The following TMEM200C variants were observed in gnomAD, a reference collection of about 807,000 sequenced individuals.
TMEM200C encodes transmembrane protein TTMA.
For synonymous variants in TMEM200C, 462 were observed against 324.7 expected, an observed-to-expected ratio of 1.42 and a Z score of -4.55; for missense variants, 966 against 699.9, an observed-to-expected ratio of 1.38 and a Z score of -4.29.
exon 3 of TMEM200C, chr18:5,890,260 T>TGAG: frequency 6.3e-7 from 1 of 1,589,308 alleles, no homozygotes. Flanking sequence ...GAAATCATGA[T>TGAG]GAGTTTCTCC....
chr18:5,891,352 C>T lies in TMEM200C; in HGVS notation c.712G>A (p.Ala238Thr). 1.5e-6 allele frequency: 2 copies of T among 1,325,574 alleles called. No individual in the cohort carries two copies. The highest frequency in any genetic ancestry group is 1.9e-6 in the Non-Finnish European group (2 of 1,040,980). 82.1% of individuals were successfully genotyped at this position (1,325,574 alleles called of 1,614,324 possible). ...GGTATGGCCCCGGGGGGCGCCGCGG[C>T]GGGGGCAGACGACGACGAAGAGGCG... The change falls in exon 3 of 3, where the codon GCC becomes ACC. Residue 238 changes from alanine to threonine, a missense_variant. Transcript: ENST00000581347. This position sits in a 1 kb window ranked among gnomAD's most constrained non-coding sequence, Gnocchi z 4.7.
At chr18:5,886,486 C>T (rs990330718) in exon 3 of TMEM200C, 5 of 152,074 alleles carry the variant, frequency 3.3e-5, no homozygotes, top group African/African-American at 1.2e-4. Context: ...AGCATAAGCC[C>T]TCATGTTTTA....
chr18:5,890,074 C>T, exon 3 of TMEM200C: 1 of 881,104 alleles, frequency 1.1e-6, no homozygotes, highest in Non-Finnish European at 1.6e-6. Context: ...CATTCTGCAG[C>T]TCTTTGGATA....
At chr18:5,896,119 C>A (rs931909105), upstream of TMEM200C, among the ~76,000 whole-genome samples, 2 of 152,092 alleles carry the variant, frequency 1.3e-5, no homozygotes, top group Non-Finnish European at 2.9e-5. Context: ...CGGGCCCGGG[C>A]GGAGTGGAGC....
chr18:5,891,664 T>C lies in TMEM200C; in HGVS notation c.400A>G (p.Thr134Ala), dbSNP rs2095171296. ...GGGGAGGCGGCTCGTGCTGGAGGCG[T>C]GCTCCTGGGCGCGCCCGCGGAACTG... is the stretch of plus-strand genomic sequence containing the variant. The change falls in exon 3 of 3, where the codon ACG becomes GCG. Residue 134 changes from threonine to alanine, a missense_variant. Coordinates refer to ENST00000581347, the Ensembl canonical transcript of TMEM200C. This position sits in a 1 kb window ranked among gnomAD's most constrained non-coding sequence, Gnocchi z 4.7. 1.2e-6 allele frequency: 2 copies of C among 1,613,526 alleles called. No homozygotes were observed. Among genetic ancestry groups the C allele is most frequent in the Non-Finnish European group, 1.7e-6 (2 of 1,179,822 alleles).
At chr18:5,895,140 C>T (rs1489850712) in exon 2 of TMEM200C, 1 of 152,138 alleles carries the variant, frequency 6.6e-6, no homozygotes, top group Non-Finnish European at 1.5e-5. Context: ...GGGACAGCGC[C>T]CCGGGGCCCC....
rs750394153 is a variant in TMEM200C at position 5,891,640 on chromosome 18, G to A, written c.424C>T (p.Pro142Ser). The A allele has an allele frequency of 2.7e-5, 43 of 1,613,690 alleles. No homozygotes were observed. Among genetic ancestry groups the A allele is most frequent in the East Asian group, 1.1e-4 (5 of 44,836 alleles). The change falls in exon 3 of 3, where the codon CCG becomes TCG. Residue 142 changes from proline (P) to serine (S), a missense_variant. By Grantham distance (74) the Pro-to-Ser change is moderately conservative. Transcript: ENST00000581347. The surrounding 1 kb of genome is among the most constrained non-coding windows in gnomAD (Gnocchi z 4.7). ...CCCACGGACGTGGAGGAGGAGGACG[G>A]GGAGGCGGCTCGTGCTGGAGGCGTG...
At chr18:5,892,975 T>C (rs543462611) in intron 2 of TMEM200C, among the ~76,000 whole-genome samples, 1 of 152,308 alleles carries the variant, frequency 6.6e-6, no homozygotes, top group Admixed American at 6.5e-5. Context: ...TAACTGCTTA[T>C]GTAACTGAGC....
chr18:5,882,092 A>G (rs1319178133), exon 3 of TMEM200C: 2 of 152,200 alleles, frequency 1.3e-5, no homozygotes, highest in African/African-American at 4.8e-5. Flanking sequence ...AAACCAGTTT[A>G]ATTAACATTT....
At chr18:5,884,626 G>A (rs1421451043) in exon 3 of TMEM200C, 1 of 152,042 alleles carries the variant, frequency 6.6e-6, no homozygotes, top group Non-Finnish European at 1.5e-5. Context: ...TACCAAAAGG[G>A]CAGAAGCTTG....
chr18:5,891,712 T>C lies in TMEM200C; in HGVS notation c.352A>G (p.Arg118Gly). The C allele has an allele frequency of 6.2e-7, 1 of 1,613,392 alleles. No individual in the cohort carries two copies. Among genetic ancestry groups the C allele is most frequent in the Non-Finnish European group, 8.5e-7 (1 of 1,179,824 alleles). ...CTGGAGTTGACACCCCCTGGAGCCC[T>C]AGGGTGGCTCCTGGACCGGTTTTTG... The change falls in exon 3 of 3, where the codon AGG becomes GGG. Residue 118 changes from arginine (R) to glycine (G), a missense_variant. By Grantham distance (125) the Arg-to-Gly change is moderately radical. Coordinates refer to ENST00000581347, the Ensembl canonical transcript of TMEM200C. The surrounding 1 kb of genome is among the most constrained non-coding windows in gnomAD (Gnocchi z 4.7).
chr18:5,891,548 G>T lies in TMEM200C; in HGVS notation c.516C>A (p.Ile172=). The change falls in exon 3 of 3, where the codon ATC becomes ATA. Residue 172 remains isoleucine (I), a synonymous_variant. Transcript: ENST00000581347. The surrounding 1 kb of genome is among the most constrained non-coding windows in gnomAD (Gnocchi z 4.7). ...TGAAGAGGAAGATGCCGATGCCCAT[G>T]ATGAGGGGCCCGAAGACCTTGAGCT... is the stretch of plus-strand genomic sequence containing the variant. 1.2e-6 allele frequency: 2 copies of T among 1,613,648 alleles called. No homozygotes were observed. The highest frequency in any genetic ancestry group is 1.1e-5 in the South Asian group (1 of 91,020).
At chr18:5,890,873 C>G in exon 3 of TMEM200C, 1 of 682,676 alleles carries the variant, frequency 1.5e-6, no homozygotes. Flanking sequence ...AGCTGCAGCT[C>G]GCGCCCTCCG....
exon 3 of TMEM200C, chr18:5,887,755 G>T (rs1280024397): frequency 6.6e-6 from 1 of 152,154 alleles, no homozygotes; most frequent in African/African-American, 2.4e-5. Flanking sequence ...CATTATTGCA[G>T]ATTTCTGCTC....
intron 1 of TMEM200C, 30 bp from the exon 1 acceptor site, chr18:5,895,552 G>A (rs1321098882): frequency 6.8e-6 from 1 of 146,732 alleles, no homozygotes; most frequent in Non-Finnish European, 1.5e-5. Flanking sequence ...GCTCGGCGGA[G>A]TCGGGGGGCG....
chr18:5,895,615 C>T (rs1227795395), intron 1 of TMEM200C, 93 bp from the exon 1 acceptor site: 1 of 147,008 alleles, frequency 6.8e-6, no homozygotes, highest in Non-Finnish European at 1.5e-5. Context: ...CCCCCCACGC[C>T]GCCGGCCTTC....
Position 5,891,977 on chromosome 18 carries a change from C to A in TMEM200C, c.87G>T (p.Arg29=). The change falls in exon 3 of 3, where the codon CGG becomes CGT. Residue 29 remains arginine, a synonymous_variant. Coordinates refer to ENST00000581347, the Ensembl canonical transcript of TMEM200C. This position sits in a 1 kb window ranked among gnomAD's most constrained non-coding sequence, Gnocchi z 4.7. Reference sequence around the variant, plus strand: ...CGTTCTTGCGCCTCTTCTTGGCTTTCCGCTTGCGCTTGGGTATCTGGCTTG... The same window carrying A: ...CGTTCTTGCGCCTCTTCTTGGCTTTACGCTTGCGCTTGGGTATCTGGCTTG... 1 of 1,614,006 alleles carries A rather than the reference C, an allele frequency of 6.2e-7. No individual in the cohort carries two copies. The highest frequency in any genetic ancestry group is 8.5e-7 in the Non-Finnish European group (1 of 1,179,908).
rs1232506672 is a variant in TMEM200C, at chr18:5,891,730, G to T, written c.334C>A (p.Arg112=). The change falls in exon 3 of 3, where the codon CGG becomes AGG. Residue 112 remains arginine, a synonymous_variant. Transcript: ENST00000581347. The surrounding 1 kb of genome is among the most constrained non-coding windows in gnomAD (Gnocchi z 4.7). Reference sequence around the variant, plus strand: ...GGAGCCCTAGGGTGGCTCCTGGACCGGTTTTTGCTGCCACTGCTACTGCTG... The same window carrying T: ...GGAGCCCTAGGGTGGCTCCTGGACCTGTTTTTGCTGCCACTGCTACTGCTG... 1.2e-6 allele frequency: 2 copies of T among 1,612,534 alleles called. No homozygotes were observed. The highest frequency in any genetic ancestry group is 1.3e-5 in the African/African-American group (1 of 74,918).
Position 5,891,674 on chromosome 18 carries a change from C to A in TMEM200C, c.390G>T (p.Ala130=). The change falls in exon 3 of 3, where the codon GCG becomes GCT. Residue 130 remains alanine, a synonymous_variant. Coordinates refer to ENST00000581347, the Ensembl canonical transcript of TMEM200C. This position sits in a 1 kb window ranked among gnomAD's most constrained non-coding sequence, Gnocchi z 4.7. ...CTCGTGCTGGAGGCGTGCTCCTGGG[C>A]GCGCCCGCGGAACTGGAGTTGACAC... is the stretch of plus-strand genomic sequence containing the variant. The A allele has an allele frequency of 3.1e-6, 5 of 1,613,460 alleles. No homozygotes were observed. The highest frequency in any genetic ancestry group is 4.2e-6 in the Non-Finnish European group (5 of 1,179,764).
Sources: allele counts gnomAD v4.1 joint callset (sites outside exome capture counted in the v4.1 genomes callset), GRCh38; gene constraint gnomAD v4.1.1; non-coding constraint Gnocchi (gnomAD v3.1); transcripts MANE v1.5; gene names NCBI Gene and HGNC (gene_info 2026-07-23, HGNC 2026-07-21).